The following NTM variants were observed in gnomAD, a reference collection of about 807,000 sequenced individuals.
NTM encodes IgLON family member 2.
Under a neutral mutation model 42.1 loss-of-function variants are expected in NTM, and 13 were observed. That is an observed-to-expected ratio of 0.31 (90% CI 0.20 to 0.49). The LOEUF (loss-of-function observed/expected upper bound fraction) is 0.49, where lower values mean the gene tolerates loss of function less well. NTM is among the 20% of genes least tolerant of loss of function. The pLI is 0.99. For synonymous variants in NTM, 187 were observed against 179.2 expected, an observed-to-expected ratio of 1.04 and a Z score of -0.35; for missense variants, 373 against 452.8, an observed-to-expected ratio of 0.82 and a Z score of 1.60.
At chr11:131,533,442 C>T (rs977674400) in intron 1 of NTM, among the ~76,000 whole-genome samples, 1 of 152,162 alleles carries the variant, frequency 6.6e-6, no homozygotes, top group African/African-American at 2.4e-5. Context: ...ATGGGGTAGA[C>T]GTCTCCATCA....
chr11:131,555,849 CTGAGTAGAGACA>C (rs1271827546), intron 1 of NTM, among the ~76,000 whole-genome samples: 2 of 152,112 alleles, frequency 1.3e-5, no homozygotes, highest in Non-Finnish European at 2.9e-5. Flanking sequence ...AGGGAACTGA[CTGAGTAGAGACA>C]TCCTAAATGC....
intron 2 of NTM, among the ~76,000 whole-genome samples, chr11:132,088,613 A>G (rs557254656): frequency 1.3e-5 from 2 of 152,356 alleles, no homozygotes; most frequent in East Asian, 3.9e-4. Flanking sequence ...AGCATAAGGC[A>G]CACATTCCTG....
intron 1 of NTM, among the ~76,000 whole-genome samples, chr11:131,427,610 G>C (rs1948275074): frequency 2.0e-5 from 3 of 152,178 alleles, no homozygotes; most frequent in Admixed American, 2.0e-4. Context: ...TGTTCTACCT[G>C]TACTTCCCAC....
At chr11:132,304,054 T>C (rs1445151319) in intron 4 of NTM, among the ~76,000 whole-genome samples, 1 of 152,224 alleles carries the variant, frequency 6.6e-6, no homozygotes, top group East Asian at 1.9e-4. Flanking sequence ...CTTAGGACGA[T>C]GATCTGTTGC....
At chr11:131,934,357 A>G (rs1380973849) in intron 2 of NTM, among the ~76,000 whole-genome samples, 5 of 152,246 alleles carry the variant, frequency 3.3e-5, no homozygotes, top group Non-Finnish European at 7.3e-5. Flanking sequence ...ACTTAGCTTC[A>G]GAGGCAGAAT....
At chr11:131,910,529 C>G (rs1378671389) in intron 1 of NTM, among the ~76,000 whole-genome samples, 4 of 151,388 alleles carry the variant, frequency 2.6e-5, no homozygotes, top group Admixed American at 1.3e-4. Context: ...CCCGCCCGCT[C>G]GCTCCGAGGC....
chr11:131,884,723 C>T (rs148575508), intron 1 of NTM, among the ~76,000 whole-genome samples: 31 of 152,282 alleles, frequency 2.0e-4, no homozygotes, highest in Admixed American at 1.7e-3. Flanking sequence ...GGAAGAGGCT[C>T]GCCATCCTAT....
intron 4 of NTM, among the ~76,000 whole-genome samples, chr11:132,233,317 G>C (rs769411337): frequency 6.6e-6 from 1 of 152,182 alleles, no homozygotes; most frequent in Non-Finnish European, 1.5e-5. Flanking sequence ...CTACTTGGGA[G>C]GCTGAGGGAG....
intron 2 of NTM, among the ~76,000 whole-genome samples, chr11:131,958,305 C>T (rs559700954): frequency 6.6e-6 from 1 of 152,196 alleles, no homozygotes; most frequent in East Asian, 1.9e-4. Flanking sequence ...TTTCCTCCCT[C>T]TCAGTGCTTT....
At chr11:132,048,800 GTTTTTCTTTTCT>G (rs1204696264) in intron 2 of NTM, among the ~76,000 whole-genome samples, 1 of 138,002 alleles carries the variant, frequency 7.2e-6, no homozygotes, top group Non-Finnish European at 1.5e-5. Flanking sequence ...CTACAGAGCT[GTTTTTCTTTTCT>G]TTTTTCTTTT....
chr11:132,270,975 T>C (rs977124940), intron 4 of NTM, among the ~76,000 whole-genome samples: 11 of 152,224 alleles, frequency 7.2e-5, no homozygotes, highest in Admixed American at 2.6e-4. Context: ...TTAAAAGTTA[T>C]ACAACTACCC....
chr11:132,315,277 T>C (rs1247902535), intron 7 of NTM, among the ~76,000 whole-genome samples: 1 of 152,198 alleles, frequency 6.6e-6, no homozygotes, highest in South Asian at 2.1e-4. Flanking sequence ...ATCTGGCTAC[T>C]GTATTGATAT....
intron 2 of NTM, among the ~76,000 whole-genome samples, chr11:131,976,116 A>ATTCATTCCTTCCTTCCTTCC (rs2064309217): frequency 1.6e-5 from 2 of 123,770 alleles, no homozygotes; most frequent in African/African-American, 6.1e-5. Flanking sequence ...TCCCTCCCTC[A>ATTCATTCCTTCCTTCCTTCC]TTCCTTCCTT....
chr11:131,587,156 G>A (rs141419636), intron 1 of NTM, among the ~76,000 whole-genome samples: 1 of 152,282 alleles, frequency 6.6e-6, no homozygotes, highest in Non-Finnish European at 1.5e-5. Flanking sequence ...TACAGATAAG[G>A]TAGCTAAGGC....
chr11:131,670,333 C>T (rs2069914999), intron 1 of NTM, among the ~76,000 whole-genome samples: 1 of 152,126 alleles, frequency 6.6e-6, no homozygotes, highest in Admixed American at 6.6e-5. Context: ...TTCTTTCTTT[C>T]TTTCTTTCTC....
chr11:132,173,841 G>A (rs2076422226), intron 3 of NTM, among the ~76,000 whole-genome samples: 1 of 152,192 alleles, frequency 6.6e-6, no homozygotes, highest in Non-Finnish European at 1.5e-5. Flanking sequence ...GGTAGCAGTT[G>A]TTTTTGAAGA....
chr11:131,684,243 G>A (rs1188021609), intron 1 of NTM, among the ~76,000 whole-genome samples: 1 of 152,132 alleles, frequency 6.6e-6, no homozygotes, highest in Non-Finnish European at 1.5e-5. Context: ...ACGTCCTGAC[G>A]ACAGTGACTC....
intron 1 of NTM, among the ~76,000 whole-genome samples, chr11:131,844,397 G>T (rs2044664154): frequency 2.6e-5 from 4 of 152,048 alleles, no homozygotes; most frequent in Non-Finnish European, 5.9e-5. Flanking sequence ...AATGCATTTT[G>T]CTATCTGGTA....
intron 4 of NTM, among the ~76,000 whole-genome samples, chr11:132,238,038 T>C (rs1487329503): frequency 6.6e-6 from 1 of 152,228 alleles, no homozygotes; most frequent in East Asian, 1.9e-4. Context: ...CCAATTGTTT[T>C]ACAGCAGACA....
Sources: allele counts gnomAD v4.1 joint callset (sites outside exome capture counted in the v4.1 genomes callset), GRCh38; gene constraint gnomAD v4.1.1; transcripts MANE v1.5; gene names NCBI Gene and HGNC (gene_info 2026-07-23, HGNC 2026-07-21).